Variants in ST7 observed in about 807,000 individuals in gnomAD.
ST7 encodes suppressor of tumorigenicity 7 protein.
ST7 carries 28 observed loss-of-function variants against 78.7 expected under a neutral mutation model. The observed-to-expected ratio is 0.36, with a 90% CI of 0.26 to 0.49. The LOEUF is 0.49. ST7 is among the 20% of genes least tolerant of loss of function. The pLI, the probability that ST7 is intolerant of heterozygous loss-of-function variation, is 0.99. For synonymous variants in ST7, 247 were observed against 249.6 expected (o/e 0.99, Z 0.10); for missense variants, 418 against 696.0 (o/e 0.60, Z 4.49).
chr7:117,098,723 C>G, intron 1 of ST7: 5 of 1,259,734 alleles, frequency 4.0e-6, no homozygotes, highest in Non-Finnish European at 5.2e-6. Context: ...CCTCTAATGA[C>G]ATCAAAGCCC....
At chr7:117,217,911 G>A (rs1167663884) in intron 13 of ST7, among the ~76,000 whole-genome samples, 2 of 152,134 alleles carry the variant, frequency 1.3e-5, no homozygotes, top group Non-Finnish European at 2.9e-5. Flanking sequence ...CATACATAAT[G>A]TTTTTACTTT....
chr7:116,997,426 T>C (rs1480831898), intron 1 of ST7, among the ~76,000 whole-genome samples: 1 of 152,200 alleles, frequency 6.6e-6, no homozygotes, highest in Non-Finnish European at 1.5e-5. Context: ...TTGGTGCGTT[T>C]ACAATCCCTG....
chr7:117,147,167 T>C (rs1473339481), intron 9 of ST7, among the ~76,000 whole-genome samples: 1 of 152,132 alleles, frequency 6.6e-6, no homozygotes, highest in Non-Finnish European at 1.5e-5. Context: ...TAGTTTGCAG[T>C]TTCTAACTGC....
chr7:117,182,271 G>A (rs38877), intron 10 of ST7, among the ~76,000 whole-genome samples: 13,071 of 152,130 alleles, frequency 0.086, 860 homozygotes, highest in East Asian at 0.2. Context: ...ATAGGATAAT[G>A]TATATAACTG....
At chr7:117,153,588 G>A (rs759675338) in intron 9 of ST7, among the ~76,000 whole-genome samples, 1 of 152,030 alleles carries the variant, frequency 6.6e-6, no homozygotes, top group African/African-American at 2.4e-5. Flanking sequence ...GGGAGGAAAT[G>A]GTCAACAGTA....
chr7:117,000,748 A>C (rs1253093396), intron 1 of ST7, among the ~76,000 whole-genome samples: 1 of 152,222 alleles, frequency 6.6e-6, no homozygotes, highest in Non-Finnish European at 1.5e-5. Context: ...GCCTTGTTGC[A>C]ATGACTTGTT....
chr7:117,102,055 G>GA (rs1296005367), intron 2 of ST7, among the ~76,000 whole-genome samples: 1 of 152,182 alleles, frequency 6.6e-6, no homozygotes, highest in Non-Finnish European at 1.5e-5. Flanking sequence ...AGACCCTGTA[G>GA]AAAGTGGCTC....
intron 10 of ST7, among the ~76,000 whole-genome samples, chr7:117,186,433 G>A (rs996196244): frequency 4.3e-4 from 66 of 152,314 alleles, no homozygotes; most frequent in African/African-American, 1.6e-3. Flanking sequence ...GGATATGCTG[G>A]ACGAAGGGAT....
chr7:117,177,361 G>A (rs1175777201), intron 10 of ST7, among the ~76,000 whole-genome samples: 1 of 152,130 alleles, frequency 6.6e-6, no homozygotes, highest in Admixed American at 6.6e-5. Context: ...CACATAGCTG[G>A]CACATGTACA....
At chr7:117,221,791 G>T (rs1793111729) in intron 14 of ST7, 132 bp from the exon 15 acceptor site, 1 of 1,026,130 alleles carries the variant, frequency 9.7e-7, no homozygotes, top group African/African-American at 1.7e-5. Flanking sequence ...GGTTTGTCAG[G>T]TGTGCTATTT....
chr7:117,078,055 A>C (rs994582610), intron 1 of ST7, among the ~76,000 whole-genome samples: 13 of 152,230 alleles, frequency 8.5e-5, no homozygotes, highest in Non-Finnish European at 1.5e-4. Context: ...TGTAGTTCAA[A>C]TCTCTCAATC....
chr7:117,189,757 G>A (rs956491631), intron 11 of ST7, among the ~76,000 whole-genome samples: 16 of 152,156 alleles, frequency 1.1e-4, no homozygotes, highest in Non-Finnish European at 2.9e-5. Flanking sequence ...ACTGGGTAGT[G>A]TCATACACAC....
chr7:117,149,592 C>CTTTTTTTTTTTTTTTTT (rs59067333), intron 9 of ST7, among the ~76,000 whole-genome samples: 1 of 83,944 alleles, frequency 1.2e-5, no homozygotes, highest in Admixed American at 1.2e-4. Flanking sequence ...CGTGTCCTAC[C>CTTTTTTTTTTTTTTTTT]TTTTTTTTTT....
intron 2 of ST7, among the ~76,000 whole-genome samples, chr7:117,108,013 T>C (rs771040923): frequency 6.6e-6 from 1 of 152,116 alleles, no homozygotes; most frequent in Non-Finnish European, 1.5e-5. Flanking sequence ...GTGTAGATTA[T>C]GAAGATTTTC....
Position 117,150,812 on chromosome 7 carries a change from A to G in ST7, c.963+12280A>G, listed in dbSNP as rs779377008. On this transcript the variant is annotated intron_variant, in intron 9 of 15. Transcript: ENST00000323984. ...GTATCTAATAAGTACCTCAAACTCA[A>G]TATGTCAAAAAAATTGAACTTTCCA... is the stretch of plus-strand genomic sequence containing the variant. 4.6e-5 allele frequency among the ~76,000 whole-genome samples: 7 copies of G among 152,320 alleles called. No individual in the cohort carries two copies. The East Asian group carries it at 9.6e-4, about 21-fold the overall frequency.
intron 1 of ST7, among the ~76,000 whole-genome samples, chr7:116,965,357 A>C (rs1793055141): frequency 6.6e-6 from 1 of 151,770 alleles, no homozygotes; most frequent in Non-Finnish European, 1.5e-5. Context: ...AAAAAAAAAA[A>C]AAATTCTATG....
intron 1 of ST7, among the ~76,000 whole-genome samples, chr7:117,000,549 C>G (rs1251287488): frequency 6.6e-6 from 1 of 152,164 alleles, no homozygotes; most frequent in African/African-American, 2.4e-5. Flanking sequence ...TGTTCGAGAG[C>G]CTGTTTAGAG....
chr7:117,152,833 G>C (rs552565084), intron 9 of ST7, among the ~76,000 whole-genome samples: 1 of 152,266 alleles, frequency 6.6e-6, no homozygotes, highest in East Asian at 1.9e-4. Context: ...AAGAGTCAAA[G>C]GTCATTTTAT....
intron 3 of ST7, among the ~76,000 whole-genome samples, chr7:117,124,965 C>T (rs924295771): frequency 3.9e-5 from 6 of 152,050 alleles, no homozygotes; most frequent in Admixed American, 2.0e-4. Flanking sequence ...CCATTCAGTG[C>T]TTTCATTTCA....
Sources: gnomAD v4.1 joint callset for allele counts (sites outside exome capture counted in the v4.1 genomes callset) on GRCh38, gnomAD v4.1.1 for gene constraint, MANE v1.5 for transcripts, NCBI Gene and HGNC (gene_info 2026-07-23, HGNC 2026-07-21) for gene names.